Variants in RASD2 observed in about 807,000 individuals in gnomAD.
The protein encoded by RASD2 is GTP-binding protein Rhes.
Under a neutral mutation model 15.8 loss-of-function variants are expected in RASD2, and 7 were observed. The ratio of observed to expected loss-of-function variants is 0.44; its 90% CI spans 0.25 to 0.83. The LOEUF (loss-of-function observed/expected upper bound fraction) is 0.83, where lower values mean the gene tolerates loss of function less well. Among genes scored for constraint, RASD2 ranks in the 40% least tolerant of loss-of-function variants. RASD2 has a pLI of 0.20. For missense variants in RASD2, 274 were observed against 382.8 expected (o/e 0.72, Z 2.37); for synonymous variants, 155 against 153.6 (o/e 1.01, Z -0.07).
rs1191556228 is a variant in RASD2 at position 35,551,744 on chromosome 22, G to T, written c.513G>T (p.Val171=). 6.2e-7 allele frequency: 1 copy of T among 1,613,996 alleles called. No homozygotes were observed. Among genetic ancestry groups the T allele is most frequent in the Non-Finnish European group, 8.5e-7 (1 of 1,179,994 alleles). The part of the protein sequence containing the change: ...SGDENCAYFE[V]SAKKNTNVDE... The stretch of plus-strand genomic sequence containing the variant: ...ACGAGAACTGCGCCTACTTCGAGGT[G>T]TCGGCCAAGAAGAACACCAACGTGG... The change falls in exon 3 of 3, where the codon GTG becomes GTT. Residue 171 remains valine (V), a synonymous_variant. Coordinates refer to ENST00000216127, the MANE Select transcript of RASD2 (RefSeq NM_014310.4). This position sits in a 1 kb window ranked among gnomAD's most constrained non-coding sequence, Gnocchi z 4.9.
chr22:35,544,571 T>G (rs150683188), intron 1 of RASD2, among the ~76,000 whole-genome samples: 1 of 152,364 alleles, frequency 6.6e-6, no homozygotes, highest in Admixed American at 6.5e-5. Context: ...GAGCCCCTGC[T>G]CTGTTCATGG....
Position 35,546,847 on chromosome 22 carries a change from G to C in RASD2, c.38G>C (p.Ser13Thr). The stretch of plus-strand genomic sequence containing the variant: ...TTGTCCAGCGGGAACTGCACGCTCA[G>C]TGTGCCCGCCAAAAACTCATACCGC... Reference protein sequence around the residue: ...KTLSSGNCTLSVPAKNSYRMV... With the variant: ...KTLSSGNCTLTVPAKNSYRMV... Residue 13 changes from serine (S) to threonine (T), a missense_variant, in exon 2 of 3, where the codon AGT (serine) becomes ACT (threonine). Transcript: ENST00000216127. The C allele has an allele frequency of 6.2e-7, 1 of 1,613,878 alleles. No homozygotes were observed. The highest frequency in any genetic ancestry group is 2.2e-5 in the East Asian group (1 of 44,862).
At chr22:35,533,694 G>GTGATGA in the RASD2 span, among the ~76,000 whole-genome samples, 2 of 139,994 alleles carry the variant, frequency 1.4e-5, no homozygotes, top group African/African-American at 5.6e-5. Context: ...GATGATGACA[G>GTGATGA]TGATGATGGT....
In RASD2 at chr22:35,541,455, A is replaced by T. The variant is rs1017184133; in HGVS notation, c.-55A>T. 5 of 152,236 alleles carry T rather than the reference A, an allele frequency of 3.3e-5. No individual in the cohort carries two copies. Among genetic ancestry groups the T allele is most frequent in the Non-Finnish European group, 5.9e-5 (4 of 68,094 alleles). The allele number at this position is 152,236 out of a possible 1,614,324, so 9.4% of individuals were successfully genotyped here. ...GCTCCCCGCAGCTCCCGGCGCTTCC[A>T]GGCAGCTCTCTGAGCCGTGCCAGAG... On this transcript the variant is annotated 5_prime_UTR_variant, in exon 1 of 3. Transcript: ENST00000216127.
upstream of RASD2, among the ~76,000 whole-genome samples, chr22:35,537,461 C>T (rs1934260258): frequency 2.0e-5 from 3 of 152,180 alleles, no homozygotes; most frequent in South Asian, 4.1e-4. Flanking sequence ...GAAGTAACAC[C>T]GGCTACGGAG....
intron 1 of RASD2, among the ~76,000 whole-genome samples, chr22:35,541,960 G>A (rs73883450): frequency 6.6e-6 from 1 of 152,186 alleles, no homozygotes; most frequent in Non-Finnish European, 1.5e-5. Context: ...TCGTTATCCA[G>A]AGTTCTTGAG....
Position 35,552,260 on chromosome 22 carries a change from G to A in RASD2, c.*228G>A, listed in dbSNP as rs1934691151. 4 of 596,502 alleles carry A rather than the reference G, an allele frequency of 6.7e-6. No individual in the cohort carries two copies. Among genetic ancestry groups the A allele is most frequent in the South Asian group, 6.5e-5 (3 of 46,334 alleles). 37.0% of individuals were successfully genotyped at this position (596,502 alleles called of 1,614,324 possible). On this transcript the variant is annotated 3_prime_UTR_variant, in exon 3 of 3. Coordinates refer to ENST00000216127, the MANE Select transcript of RASD2 (RefSeq NM_014310.4). ...TGGTGGTTTCATCTCCTCTGTGGGA[G>A]GACACATCTCTGCAGCCTCAAGAGT...
intron 2 of RASD2, among the ~76,000 whole-genome samples, chr22:35,549,125 C>T (rs1466004849): frequency 6.6e-6 from 1 of 152,260 alleles, no homozygotes; most frequent in Non-Finnish European, 1.5e-5. Flanking sequence ...AGCTAATGCC[C>T]CTTTGACCCA....
In RASD2 at chr22:35,551,366, A is replaced by G; in HGVS notation, c.272-137A>G. 1.3e-6 allele frequency: 1 copy of G among 792,428 alleles called. No individual in the cohort carries two copies. The allele number at this position is 792,428 out of a possible 1,614,324, so 49.1% of individuals were successfully genotyped here. On this transcript the variant is annotated intron_variant, in intron 2 of 2. Transcript: ENST00000216127. This position sits in a 1 kb window ranked among gnomAD's most constrained non-coding sequence, Gnocchi z 4.9. ...CAGCTACCCCGAAGAGTCGCTGTGT[A>G]GGTTAAAGCAGTTATGCCGCATAAC... is the stretch of plus-strand genomic sequence containing the variant.
chr22:35,547,586 GC>G (rs1356279563), intron 2 of RASD2, among the ~76,000 whole-genome samples: 1 of 152,218 alleles, frequency 6.6e-6, no homozygotes, highest in Non-Finnish European at 1.5e-5. Flanking sequence ...CTTATCAGAA[GC>G]TATGGGCCTG....
At chr22:35,541,992 G>C (rs1286834122) in intron 1 of RASD2, among the ~76,000 whole-genome samples, 1 of 152,194 alleles carries the variant, frequency 6.6e-6, no homozygotes, top group Non-Finnish European at 1.5e-5. Flanking sequence ...TTGGTGCAGA[G>C]TGAGTTTCCT....
the RASD2 span, among the ~76,000 whole-genome samples, chr22:35,535,352 C>G: frequency 1.3e-5 from 2 of 148,444 alleles, no homozygotes; most frequent in East Asian, 3.9e-4. Flanking sequence ...TGTAGTGAGC[C>G]ATGATCACAA....
chr22:35,535,467 A>T, the RASD2 span, among the ~76,000 whole-genome samples: 7 of 152,208 alleles, frequency 4.6e-5, no homozygotes, highest in Non-Finnish European at 8.8e-5. Flanking sequence ...ATGATGCATT[A>T]TCCAAATCTA....
At chr22:35,544,798 G>C (rs1038858340) in intron 1 of RASD2, among the ~76,000 whole-genome samples, 1 of 152,170 alleles carries the variant, frequency 6.6e-6, no homozygotes, top group African/African-American at 2.4e-5. Flanking sequence ...ACCTCTCTGT[G>C]CCTCAGTTTC....
At chr22:35,546,392 C>T (rs16995822) in intron 1 of RASD2, among the ~76,000 whole-genome samples, 2,646 of 152,290 alleles carry the variant, frequency 0.017, 77 homozygotes, top group African/African-American at 0.061. Flanking sequence ...AACGGATTCT[C>T]ACCATAGATA....
chr22:35,534,395 G>T, the RASD2 span, among the ~76,000 whole-genome samples: 1 of 152,226 alleles, frequency 6.6e-6, no homozygotes, highest in South Asian at 2.1e-4. Flanking sequence ...GGTGTTGTCA[G>T]CCTCAGTTTT....
At chr22:35,544,104 AG>A (rs1934430338) in intron 1 of RASD2, among the ~76,000 whole-genome samples, 1 of 152,156 alleles carries the variant, frequency 6.6e-6, no homozygotes, top group Admixed American at 6.5e-5. Context: ...GTCTGTACCA[AG>A]CTCTAGGCTG....
upstream of RASD2, among the ~76,000 whole-genome samples, chr22:35,539,731 G>A (rs1330560641): frequency 1.3e-5 from 2 of 152,160 alleles, no homozygotes; most frequent in Non-Finnish European, 2.9e-5. Flanking sequence ...TTAAGGCAGT[G>A]ATATAATGAT....
chr22:35,551,410 A>G lies in RASD2; in HGVS notation c.272-93A>G. 2 of 1,334,790 alleles carry G rather than the reference A, an allele frequency of 1.5e-6. No homozygotes were observed. 82.7% of individuals were successfully genotyped at this position (1,334,790 alleles called of 1,614,324 possible). On this transcript the variant is annotated intron_variant, in intron 2 of 2. Transcript: ENST00000216127. This position sits in a 1 kb window ranked among gnomAD's most constrained non-coding sequence, Gnocchi z 4.9. ...GCATAACTGCTTCAGGGCACCTGTG[A>G]CTCCCAGCTCTTAGGGCTGATGTTC... is the stretch of plus-strand genomic sequence containing the variant.
Sources: allele counts gnomAD v4.1 joint callset (sites outside exome capture counted in the v4.1 genomes callset), GRCh38; gene constraint gnomAD v4.1.1; non-coding constraint Gnocchi (gnomAD v3.1); transcripts MANE v1.5; gene names NCBI Gene and HGNC (gene_info 2026-07-23, HGNC 2026-07-21).